The following LLGL1 variants were observed in gnomAD, a reference collection of about 807,000 sequenced individuals.
The protein encoded by LLGL1 is lethal(2) giant larvae protein homolog 1.
In LLGL1, 58 loss-of-function variants were observed where a neutral mutation model predicts 110.6. The observed-to-expected ratio is 0.52, with a 90% confidence interval of 0.42 to 0.65. The LOEUF (loss-of-function observed/expected upper bound fraction) is 0.65. Among genes scored for constraint, LLGL1 ranks in the 30% least tolerant of loss-of-function variants. LLGL1 has a pLI of 0.00. For synonymous variants in LLGL1, 674 were observed against 607.2 expected (o/e 1.11, Z -1.62); for missense variants, 1,229 against 1,462.1 (o/e 0.84, Z 2.60).
chr17:18,229,488 A>G (rs1369648951), intron 1 of LLGL1, among the ~76,000 whole-genome samples: 4 of 152,084 alleles, frequency 2.6e-5, no homozygotes, highest in East Asian at 3.9e-4. Context: ...GGGGAGTGTC[A>G]TGGTCATCTT....
At chr17:18,232,205 C>G (rs2047586074) in intron 2 of LLGL1, among the ~76,000 whole-genome samples, 1 of 152,252 alleles carries the variant, frequency 6.6e-6, no homozygotes. Flanking sequence ...TGATCTGCAA[C>G]AGTCCTGTAA....
intron 4 of LLGL1, among the ~76,000 whole-genome samples, 184 bp from the exon 5 acceptor site, chr17:18,233,594 C>T (rs1370562875): frequency 6.6e-6 from 1 of 152,178 alleles, no homozygotes; most frequent in East Asian, 1.9e-4. Context: ...TCCCTGCTGA[C>T]ATCCTGATGA....
rs570642223 is a variant in LLGL1 at position 18,228,893 on chromosome 17, G to A, written c.82-1048G>A. 8.6e-5 allele frequency among the ~76,000 whole-genome samples: 13 copies of A among 151,990 alleles called. No homozygotes were observed. In the South Asian group the frequency reaches 2.3e-3, roughly 27 times the overall value. On this transcript the variant is annotated intron_variant, in intron 1 of 22. Coordinates refer to ENST00000316843, the MANE Select transcript of LLGL1 (RefSeq NM_004140.4). ...TTGCCCAAGGCCAGACAGCTAGGCC[G>A]TGACCAAACCAGCTGCCCAGAGGGC...
intron 1 of LLGL1, among the ~76,000 whole-genome samples, chr17:18,229,040 A>G (rs942530108): frequency 5.9e-5 from 9 of 152,144 alleles, no homozygotes; most frequent in African/African-American, 2.2e-4. Context: ...TACCAGTGGT[A>G]AAAGTGAAAA....
chr17:18,232,843 G>T, intron 4 of LLGL1, 41 bp downstream of exon 4: 1 of 1,611,560 alleles, frequency 6.2e-7, no homozygotes, highest in South Asian at 1.1e-5. Flanking sequence ...CGGGCAGGGA[G>T]GATCTGGGGG....
Position 18,242,224 on chromosome 17 carries a change from C to A in LLGL1, c.2941C>A (p.Leu981Met), listed in dbSNP as rs1453331368. 1 of 1,614,130 alleles carries A rather than the reference C, an allele frequency of 6.2e-7. No homozygotes were observed. The highest frequency in any genetic ancestry group is 1.6e-4 in the Middle Eastern group (1 of 6,062). The change falls in exon 20 of 23, where the codon CTG (leucine) becomes ATG (methionine). Residue 981 changes from leucine to methionine, a missense_variant. Physicochemically the swap from Leu to Met is conservative, Grantham distance 15. Coordinates refer to ENST00000316843, the MANE Select transcript of LLGL1 (RefSeq NM_004140.4). The part of the protein sequence containing the change: ...SQANGTPSIL[L>M]APQSLDGSPD... ...GGCTAACGGGACCCCAAGCATCCTG[C>A]TGGCCCCACAGAGCCTTGATGGAAG...
chr17:18,242,734 ATCTCGCAGCTCC>A lies in LLGL1; in HGVS notation c.3117-5_3123del. On this transcript the variant is annotated splice_acceptor_variant and splice_polypyrimidine_tract_variant and coding_sequence_variant and intron_variant, in exon 22 of 23. Coordinates refer to ENST00000316843, the MANE Select transcript of LLGL1 (RefSeq NM_004140.4). LOFTEE classifies it high-confidence loss of function. ...GCCCCCACCCCTGAGCACCATCCCC[ATCTCGCAGCTCC>A]TCTGAGGAGTCAGAGAAGAACCTGA... is the stretch of plus-strand genomic sequence containing the variant. 6.4e-7 allele frequency: 1 copy of A among 1,562,136 alleles called. No individual in the cohort carries two copies. Among genetic ancestry groups the A allele is most frequent in the Non-Finnish European group, 8.7e-7 (1 of 1,151,574 alleles).
In LLGL1 at chr17:18,242,749, TGAG is replaced by T. The variant is rs1216361568; in HGVS notation, c.3127_3129del (p.Glu1043del). Reference sequence around the variant, plus strand: ...CACCATCCCCATCTCGCAGCTCCTCTGAGGAGTCAGAGAAGAACCTGAGGAACC... The same window carrying T: ...CACCATCCCCATCTCGCAGCTCCTCTGAGTCAGAGAAGAACCTGAGGAACC... On this transcript the variant is annotated inframe_deletion, in exon 22 of 23. Transcript: ENST00000316843. 4 of 1,568,454 alleles carry T rather than the reference TGAG, an allele frequency of 2.6e-6. No homozygotes were observed. The highest frequency in any genetic ancestry group is 3.5e-6 in the Non-Finnish European group (4 of 1,155,936).
intron 22 of LLGL1, 24 bp downstream of exon 22, chr17:18,242,846 T>C (rs1426552770): frequency 6.5e-7 from 1 of 1,533,224 alleles, no homozygotes; most frequent in Non-Finnish European, 8.8e-7. Flanking sequence ...GGGGCCCTGG[T>C]CCTCACCACT....
At chr17:18,242,334 G>A in intron 20 of LLGL1, 56 bp downstream of exon 20, 1 of 1,564,258 alleles carries the variant, frequency 6.4e-7, no homozygotes, top group Non-Finnish European at 8.8e-7. Flanking sequence ...CTGGGGGAGG[G>A]AGTCGGGACT....
rs753580015 is a variant in LLGL1 at position 18,235,327 on chromosome 17, CA to C, written c.1284+16del. 1.6e-5 allele frequency: 25 copies of C among 1,609,230 alleles called. No individual in the cohort carries two copies. The highest frequency in any genetic ancestry group is 4.5e-5 in the East Asian group (2 of 44,860). The stretch of plus-strand genomic sequence containing the variant: ...CCAGTGCCTTGGTGTGTGCGGCGAT[CA>C]GGGGGGTCTTACAGGGTGGAGTCTT... On this transcript the variant is annotated intron_variant, in intron 10 of 22. Coordinates refer to ENST00000316843, the MANE Select transcript of LLGL1 (RefSeq NM_004140.4).
At position 18,240,260 on chromosome 17, in the gene LLGL1, T is replaced by G. The variant is rs370482910; in HGVS notation, c.2207-318T>G. On this transcript the variant is annotated intron_variant, in intron 16 of 22. Transcript: ENST00000316843. The surrounding 1 kb of genome is among the most constrained non-coding windows in gnomAD (Gnocchi z 5.3). Reference sequence around the variant, plus strand: ...ACTGAGATGGGGGCTGAGGGTGCAGTGGGATGGGGCTGGAGGTCTGGTTTG... The same window carrying G: ...ACTGAGATGGGGGCTGAGGGTGCAGGGGGATGGGGCTGGAGGTCTGGTTTG... 1.3e-4 allele frequency among the ~76,000 whole-genome samples: 20 copies of G among 151,974 alleles called. 1 individual carries two copies. In the South Asian group the frequency reaches 4.2e-3, roughly 32 times the overall value.
rs753952691 is a variant in LLGL1, at chr17:18,241,982, C to T, written c.2865C>T (p.Arg955=). ...GCTCTCTGGACATTAACTGGCCCCG[C>T]GATGCCACCCAGGCCAGGTGTGTGG... is the stretch of plus-strand genomic sequence containing the variant. ...PLCSLDINWP[R]DATQASYRIR... is the part of the protein sequence containing the mutation. Residue 955 remains arginine (R), a synonymous_variant, in exon 19 of 23, where the codon CGC becomes CGT. Transcript: ENST00000316843. 1.4e-5 allele frequency: 23 copies of T among 1,613,760 alleles called. No homozygotes were observed. Among genetic ancestry groups the T allele is most frequent in the South Asian group, 6.6e-5 (6 of 91,086 alleles).
At chr17:18,242,649 C>G (rs1270163266) in intron 21 of LLGL1, 21 bp downstream of exon 21, 2 of 1,593,804 alleles carry the variant, frequency 1.3e-6, no homozygotes, top group Non-Finnish European at 1.7e-6. Flanking sequence ...TGGGCAGGTC[C>G]ACAGGGGGGG....
intron 11 of LLGL1, 117 bp from the exon 12 acceptor site, chr17:18,236,490 C>T (rs951913130): frequency 1.7e-5 from 17 of 1,005,980 alleles, no homozygotes; most frequent in Middle Eastern, 6.5e-4. Context: ...AGTAGGATTC[C>T]GGTCAGTGTT....
intron 1 of LLGL1, among the ~76,000 whole-genome samples, chr17:18,228,177 G>A (rs1162896882): frequency 2.0e-5 from 3 of 152,240 alleles, no homozygotes; most frequent in Non-Finnish European, 4.4e-5. Flanking sequence ...AAAATAGACT[G>A]TAGTTGGGAT....
chr17:18,225,686 A>T lies in LLGL1; in HGVS notation c.4A>T (p.Met2Leu). 1 of 1,033,360 alleles carries T rather than the reference A, an allele frequency of 9.7e-7. No individual in the cohort carries two copies. The allele number at this position is 1,033,360 out of a possible 1,614,324, so 64.0% of individuals were successfully genotyped here. ...GGCGCCTGCAGCCGGGCGCAAGATG[A>T]TGAAGTTTCGGTTCCGGCGGCAGGG... M[M>L]KFRFRRQGAD... The change falls in exon 1 of 23, where the codon ATG (methionine) becomes TTG (leucine). Residue 2 changes from methionine (M) to leucine (L), a missense_variant. Transcript: ENST00000316843.
chr17:18,235,621 C>T, intron 11 of LLGL1, 84 bp downstream of exon 11: 1 of 1,362,468 alleles, frequency 7.3e-7, no homozygotes, highest in Non-Finnish European at 1.0e-6. Flanking sequence ...GCAGAGGTGC[C>T]AGGAGACTCA....
chr17:18,236,791 G>A (rs1293497490), intron 12 of LLGL1, 31 bp downstream of exon 12: 8 of 1,612,666 alleles, frequency 5.0e-6, no homozygotes, highest in Non-Finnish European at 6.8e-6. Flanking sequence ...TGATGAGCTG[G>A]TCCTGACCCC....
Sources: gnomAD v4.1 joint callset for allele counts (sites outside exome capture counted in the v4.1 genomes callset) on GRCh38, gnomAD v4.1.1 for gene constraint, Gnocchi (gnomAD v3.1) non-coding constraint, MANE v1.5 for transcripts, NCBI Gene and HGNC (gene_info 2026-07-23, HGNC 2026-07-21) for gene names.